The following ARHGEF3 variants were observed in gnomAD, a reference collection of about 807,000 sequenced individuals.
ARHGEF3 encodes the protein 59.8 kDA protein.
In ARHGEF3, 28 loss-of-function variants were observed where a neutral mutation model predicts 63.2. That is an observed-to-expected ratio of 0.44 (90% CI 0.33 to 0.61). The LOEUF is 0.61. ARHGEF3 is among the 20% of genes least tolerant of loss of function. The probability of loss-of-function intolerance (pLI) is 0.03; values close to 1 mark genes in which losing one functional copy is unlikely to be tolerated. For missense variants in ARHGEF3, 533 were observed against 659.3 expected (o/e 0.81, Z 2.10); for synonymous variants, 266 against 254.2 (o/e 1.05, Z -0.44).
chr3:56,984,414 T>C (rs1284764839), intron 2 of ARHGEF3, among the ~76,000 whole-genome samples: 1 of 151,960 alleles, frequency 6.6e-6, no homozygotes, highest in African/African-American at 2.4e-5. Flanking sequence ...AAGCACATGA[T>C]GGGTAGGTGG....
intron 2 of ARHGEF3, among the ~76,000 whole-genome samples, chr3:57,010,850 C>G (rs74995887): frequency 0.022 from 3,395 of 152,224 alleles, 163 homozygotes; most frequent in African/African-American, 0.078. Flanking sequence ...ACATTTGGAC[C>G]CTTGTTCATC....
intron 2 of ARHGEF3, among the ~76,000 whole-genome samples, chr3:57,009,453 C>T (rs1702595372): frequency 6.6e-6 from 1 of 152,162 alleles, no homozygotes; most frequent in Admixed American, 6.5e-5. Flanking sequence ...CTCAGCCCCT[C>T]AGCCAAGAAT....
At chr3:56,902,786 T>G (rs2041557787) in intron 3 of ARHGEF3, among the ~76,000 whole-genome samples, 1 of 152,090 alleles carries the variant, frequency 6.6e-6, no homozygotes, top group African/African-American at 2.4e-5. Flanking sequence ...AGACTTATAC[T>G]CTCACACTAC....
intron 2 of ARHGEF3, among the ~76,000 whole-genome samples, chr3:56,767,014 A>G (rs2035739483): frequency 6.6e-6 from 1 of 152,206 alleles, no homozygotes; most frequent in Non-Finnish European, 1.5e-5. Flanking sequence ...GAGTCCATTA[A>G]GAATCAGGTC....
intron 3 of ARHGEF3, among the ~76,000 whole-genome samples, chr3:56,937,092 G>C (rs1321386512): frequency 6.6e-6 from 1 of 152,164 alleles, no homozygotes; most frequent in African/African-American, 2.4e-5. Context: ...AATCAAAAAG[G>C]CTTAAGAAAC....
chr3:56,969,550 A>T (rs573451149), intron 2 of ARHGEF3, among the ~76,000 whole-genome samples: 1 of 152,220 alleles, frequency 6.6e-6, no homozygotes, highest in Admixed American at 6.5e-5. Flanking sequence ...AAGTGGGCAG[A>T]CCACAAGGTC....
chr3:56,851,323 C>T (rs2039668872), intron 4 of ARHGEF3, among the ~76,000 whole-genome samples: 1 of 152,176 alleles, frequency 6.6e-6, no homozygotes, highest in Non-Finnish European at 1.5e-5. Flanking sequence ...TCATCCTCAC[C>T]TGGACTATCT....
chr3:57,072,789 G>A (rs2107409539), intron 1 of ARHGEF3, among the ~76,000 whole-genome samples: 1 of 151,810 alleles, frequency 6.6e-6, no homozygotes, highest in South Asian at 2.1e-4. Flanking sequence ...GCTCACTCCT[G>A]TAATCCCAGC....
chr3:56,882,426 A>G, intron 3 of ARHGEF3: 1 of 1,333,350 alleles, frequency 7.5e-7, no homozygotes, highest in Non-Finnish European at 1.1e-6. Flanking sequence ...CAAGAAAAAA[A>G]GCAATCAAAT....
At chr3:56,805,388 C>G (rs978427885), upstream of ARHGEF3, among the ~76,000 whole-genome samples, 3 of 152,198 alleles carry the variant, frequency 2.0e-5, no homozygotes, top group South Asian at 4.1e-4. Flanking sequence ...GCACACGTCA[C>G]CACGCCCAGC....
At chr3:56,858,021 C>T (rs774624528) in intron 4 of ARHGEF3, among the ~76,000 whole-genome samples, 1 of 152,082 alleles carries the variant, frequency 6.6e-6, no homozygotes, top group Non-Finnish European at 1.5e-5. Flanking sequence ...AGGTGGCAGA[C>T]TGCTTGAGCC....
At chr3:56,796,388 G>A (rs2107944796) in intron 1 of ARHGEF3, among the ~76,000 whole-genome samples, 1 of 152,298 alleles carries the variant, frequency 6.6e-6, no homozygotes, top group African/African-American at 2.4e-5. Flanking sequence ...GGTTAATATA[G>A]ATAAGCAAAA....
chr3:56,821,971 A>T (rs747544583), intron 4 of ARHGEF3, among the ~76,000 whole-genome samples: 1 of 25,586 alleles, frequency 3.9e-5, no homozygotes, highest in African/African-American at 2.1e-4. Context: ...TCGAGAAGAG[A>T]AGAGAAGAGA....
intron 1 of ARHGEF3, chr3:56,775,778 ACACACACACACACACGCGCAAG>A (rs1051698813): frequency 2.4e-4 from 79 of 331,976 alleles, no homozygotes; most frequent in Non-Finnish European, 3.1e-4. Flanking sequence ...CGTACTGAAT[ACACACACACACACACGCGCAAG>A]CACACACACA....
At chr3:56,881,193 G>T (rs996229543) in intron 4 of ARHGEF3, among the ~76,000 whole-genome samples, 6 of 152,162 alleles carry the variant, frequency 3.9e-5, no homozygotes, top group African/African-American at 1.4e-4. Context: ...TTCAGAGAAA[G>T]GAAGTGACTC....
intron 1 of ARHGEF3, among the ~76,000 whole-genome samples, chr3:57,057,449 C>T (rs1414954326): frequency 1.3e-5 from 2 of 152,084 alleles, no homozygotes; most frequent in Admixed American, 6.6e-5. Context: ...AGCACTTATC[C>T]CAACTATAAT....
intron 2 of ARHGEF3, among the ~76,000 whole-genome samples, chr3:56,762,177 G>A (rs111606260): frequency 1.3e-4 from 20 of 152,202 alleles, no homozygotes; most frequent in African/African-American, 4.8e-4. Flanking sequence ...ACTAGAAGAG[G>A]CCCACCTCAA....
intron 2 of ARHGEF3, among the ~76,000 whole-genome samples, chr3:57,012,950 C>T (rs760789230): frequency 1.2e-4 from 19 of 152,324 alleles, no homozygotes; most frequent in Non-Finnish European, 2.2e-4. Context: ...CGGGTGGGTG[C>T]GGGCTTGGCA....
intron 6 of ARHGEF3, among the ~76,000 whole-genome samples, chr3:56,746,119 T>G (rs2034370067): frequency 6.6e-6 from 1 of 152,222 alleles, no homozygotes. Flanking sequence ...TCTCATCCAC[T>G]TTTTCTGCCT....
Sources: allele counts gnomAD v4.1 joint callset (sites outside exome capture counted in the v4.1 genomes callset), GRCh38; gene constraint gnomAD v4.1.1; transcripts MANE v1.5; gene names NCBI Gene and HGNC (gene_info 2026-07-23, HGNC 2026-07-21).